Variants in NKAIN2 observed in about 807,000 individuals in gnomAD.
NKAIN2 encodes the protein sodium/potassium transporting ATPase interacting 2.
A neutral mutation model predicts 32.6 loss-of-function variants in NKAIN2; 14 were observed. That is an observed-to-expected ratio of 0.43 (90% CI 0.28 to 0.67). The LOEUF (loss-of-function observed/expected upper bound fraction) is 0.67. NKAIN2 is among the 30% of genes least tolerant of loss of function. The pLI, the probability that NKAIN2 is intolerant of heterozygous loss-of-function variation, is 0.17. For synonymous variants in NKAIN2, 80 were observed against 87.2 expected, an observed-to-expected ratio of 0.92 and a Z score of 0.46; for missense variants, 198 against 258.3, an observed-to-expected ratio of 0.77 and a Z score of 1.60.
chr6:124,627,923 C>G (rs1017742959), intron 3 of NKAIN2, among the ~76,000 whole-genome samples: 1 of 152,088 alleles, frequency 6.6e-6, no homozygotes, highest in Non-Finnish European at 1.5e-5. Context: ...CTCATGTACA[C>G]TCATCTGTTC....
chr6:124,400,346 G>T (rs143477583), intron 3 of NKAIN2, among the ~76,000 whole-genome samples: 1 of 152,058 alleles, frequency 6.6e-6, no homozygotes, highest in African/African-American at 2.4e-5. Context: ...GTGCTCACTG[G>T]CAGAAAACCA....
chr6:124,530,419 G>A (rs2114819106), intron 3 of NKAIN2, among the ~76,000 whole-genome samples: 1 of 152,316 alleles, frequency 6.6e-6, no homozygotes, highest in Middle Eastern at 3.4e-3. Flanking sequence ...GGAAAAGGAG[G>A]TGGTCTTCCT....
intron 1 of NKAIN2, among the ~76,000 whole-genome samples, chr6:123,879,542 C>T (rs1773350206): frequency 6.6e-6 from 1 of 152,146 alleles, no homozygotes. Context: ...GGTGATCATT[C>T]AGGAGCTCAG....
chr6:124,124,869 G>A (rs916772019), intron 1 of NKAIN2, among the ~76,000 whole-genome samples: 17 of 152,192 alleles, frequency 1.1e-4, no homozygotes, highest in Admixed American at 2.0e-4. Context: ...GGCCACTATC[G>A]CCTTTTCCTC....
At chr6:124,408,463 C>G (rs1295481572) in intron 3 of NKAIN2, among the ~76,000 whole-genome samples, 1 of 152,134 alleles carries the variant, frequency 6.6e-6, no homozygotes, top group Non-Finnish European at 1.5e-5. Context: ...AATCCTTTCC[C>G]CATTGTTTGT....
chr6:124,431,822 G>T (rs945651837), intron 3 of NKAIN2, among the ~76,000 whole-genome samples: 2 of 151,896 alleles, frequency 1.3e-5, no homozygotes, highest in African/African-American at 2.4e-5. Flanking sequence ...ATAACACATA[G>T]GAAACTCCAT....
intron 4 of NKAIN2, among the ~76,000 whole-genome samples, chr6:124,707,239 A>T (rs2114588800): frequency 6.6e-6 from 1 of 152,178 alleles, no homozygotes. Context: ...CCAGTCTATC[A>T]TTGTTGGACA....
At chr6:123,906,407 C>T (rs1314949421) in intron 1 of NKAIN2, among the ~76,000 whole-genome samples, 1 of 152,016 alleles carries the variant, frequency 6.6e-6, no homozygotes, top group East Asian at 1.9e-4. Flanking sequence ...TCTCCCACCT[C>T]TGCCTCCTGA....
chr6:124,680,234 A>T (rs2114501434), intron 4 of NKAIN2, among the ~76,000 whole-genome samples: 1 of 152,242 alleles, frequency 6.6e-6, no homozygotes, highest in African/African-American at 2.4e-5. Context: ...AAATTTAAGG[A>T]ATGTGTTTCC....
At chr6:124,113,711 G>T (rs1785488115) in intron 1 of NKAIN2, among the ~76,000 whole-genome samples, 1 of 152,168 alleles carries the variant, frequency 6.6e-6, no homozygotes, top group Admixed American at 6.5e-5. Flanking sequence ...AGGAGCTTGG[G>T]CATCTCTTTC....
chr6:124,793,935 A>G (rs569376110), intron 5 of NKAIN2, among the ~76,000 whole-genome samples: 1 of 152,296 alleles, frequency 6.6e-6, no homozygotes, highest in Admixed American at 6.5e-5. Flanking sequence ...CCACATGGGA[A>G]GGAGTGGGGT....
At chr6:124,238,548 A>T (rs1374359791) in intron 1 of NKAIN2, among the ~76,000 whole-genome samples, 1 of 152,128 alleles carries the variant, frequency 6.6e-6, no homozygotes, top group Non-Finnish European at 1.5e-5. Flanking sequence ...GGAAAACAGG[A>T]TGACTGAATA....
At chr6:123,922,682 A>G (rs1343855971) in intron 1 of NKAIN2, among the ~76,000 whole-genome samples, 1 of 152,112 alleles carries the variant, frequency 6.6e-6, no homozygotes, top group Non-Finnish European at 1.5e-5. Context: ...CTCAATGTGC[A>G]TGGATTGTAC....
At chr6:124,230,841 G>A (rs1207858069) in intron 1 of NKAIN2, among the ~76,000 whole-genome samples, 2 of 152,098 alleles carry the variant, frequency 1.3e-5, no homozygotes, top group Non-Finnish European at 2.9e-5. Context: ...ACCTGTTCTA[G>A]GGCAGTGTAG....
chr6:124,269,373 A>G (rs1794642323), intron 1 of NKAIN2, among the ~76,000 whole-genome samples: 1 of 151,894 alleles, frequency 6.6e-6, no homozygotes, highest in East Asian at 1.9e-4. Context: ...AAATTCTAAA[A>G]CGTCCCTGCA....
At chr6:123,822,206 TA>T (rs1052181003) in intron 1 of NKAIN2, among the ~76,000 whole-genome samples, 11 of 149,372 alleles carry the variant, frequency 7.4e-5, no homozygotes, top group African/African-American at 1.7e-4. Flanking sequence ...GGATGACTGT[TA>T]AAAAAAAAAC....
At chr6:124,217,980 G>A (rs1395372994) in intron 1 of NKAIN2, among the ~76,000 whole-genome samples, 1 of 151,930 alleles carries the variant, frequency 6.6e-6, no homozygotes, top group East Asian at 1.9e-4. Context: ...GTCGTTTGCA[G>A]TAAGAATGGA....
intron 4 of NKAIN2, among the ~76,000 whole-genome samples, chr6:124,739,420 C>T (rs954599445): frequency 7.9e-5 from 12 of 151,674 alleles, no homozygotes; most frequent in African/African-American, 2.2e-4. Flanking sequence ...TGTATGCATG[C>T]GTGCACACCA....
intron 1 of NKAIN2, among the ~76,000 whole-genome samples, chr6:124,034,363 C>T (rs1339215910): frequency 1.3e-5 from 2 of 151,966 alleles, no homozygotes; most frequent in Non-Finnish European, 2.9e-5. Context: ...TAAGTGAGAA[C>T]ATGTGGTATT....
Sources: allele counts gnomAD v4.1 joint callset (sites outside exome capture counted in the v4.1 genomes callset), GRCh38; gene constraint gnomAD v4.1.1; transcripts MANE v1.5; gene names NCBI Gene and HGNC (gene_info 2026-07-23, HGNC 2026-07-21).